Variants in SMOC1 observed in about 807,000 individuals in gnomAD.
SMOC1 encodes the protein SPARC-related modular calcium-binding protein 1.
In SMOC1, 22 loss-of-function variants were observed where a neutral mutation model predicts 56.3. The observed-to-expected ratio is 0.39, with a 90% CI of 0.28 to 0.56. The LOEUF (loss-of-function observed/expected upper bound fraction) is 0.56, where lower values mean the gene tolerates loss of function less well. SMOC1 is among the 20% of genes least tolerant of loss of function. SMOC1 has a pLI of 0.61. For missense variants in SMOC1, 509 were observed against 565.4 expected (o/e 0.90, Z 1.01); for synonymous variants, 193 against 215.0 (o/e 0.90, Z 0.89).
intron 1 of SMOC1, among the ~76,000 whole-genome samples, chr14:69,937,842 A>C (rs1882378950): frequency 6.6e-6 from 1 of 152,168 alleles, no homozygotes; most frequent in Admixed American, 6.5e-5. Flanking sequence ...GTACAGCAGG[A>C]TCTCAAATGA....
At chr14:69,994,649 AT>A (rs1437459231) in intron 7 of SMOC1, among the ~76,000 whole-genome samples, 169 bp downstream of exon 7, 1 of 152,148 alleles carries the variant, frequency 6.6e-6, no homozygotes, top group East Asian at 1.9e-4. Flanking sequence ...TCCAACTTTA[AT>A]TTTCTTCAAT....
chr14:69,966,092 A>G (rs1227846582), intron 3 of SMOC1, among the ~76,000 whole-genome samples: 1 of 152,216 alleles, frequency 6.6e-6, no homozygotes, highest in Non-Finnish European at 1.5e-5. Context: ...TGTCTTCCCC[A>G]CCAGCCAGCG....
At chr14:69,918,183 A>T (rs748841228) in intron 1 of SMOC1, among the ~76,000 whole-genome samples, 3 of 151,996 alleles carry the variant, frequency 2.0e-5, no homozygotes, top group Admixed American at 6.6e-5. Flanking sequence ...AATTAACTAG[A>T]GTTGCTGTGC....
Position 70,011,594 on chromosome 14 carries a change from G to A in SMOC1, c.940+27G>A, listed in dbSNP as rs227409. On this transcript the variant is annotated intron_variant, in intron 9 of 11. Coordinates refer to ENST00000361956, the MANE Select transcript of SMOC1 (RefSeq NM_001034852.3). ...TGGGAGACGATGCTGCCCTGCCGGC[G>A]CCATCACCTCCTTCTGTTCCTCCAC... The A allele has an allele frequency of 6.0e-4, 963 of 1,597,706 alleles. 3 individuals are homozygous for A. In the African/African-American group the frequency reaches 0.011, roughly 19 times the overall value.
At chr14:70,000,287 C>A (rs1003959372) in intron 7 of SMOC1, among the ~76,000 whole-genome samples, 1 of 152,318 alleles carries the variant, frequency 6.6e-6, no homozygotes, top group South Asian at 2.1e-4. Flanking sequence ...CCACCTTTGT[C>A]TGTGCCTTCT....
At chr14:69,956,020 T>C (rs1464915903) in intron 3 of SMOC1, among the ~76,000 whole-genome samples, 1 of 152,194 alleles carries the variant, frequency 6.6e-6, no homozygotes, top group Admixed American at 6.5e-5. Flanking sequence ...GTTGGCTACC[T>C]CGTGACAGAC....
chr14:69,949,840 C>T (rs772124863), intron 1 of SMOC1, among the ~76,000 whole-genome samples: 2 of 152,064 alleles, frequency 1.3e-5, no homozygotes, highest in African/African-American at 2.4e-5. Flanking sequence ...TAAGGGTCCC[C>T]GAGCTCATGG....
intron 5 of SMOC1, among the ~76,000 whole-genome samples, chr14:69,990,164 G>A (rs1884510440): frequency 6.6e-6 from 1 of 152,188 alleles, no homozygotes; most frequent in Non-Finnish European, 1.5e-5. Context: ...AAAGGGCAAA[G>A]CTTCCCCAAA....
intron 2 of SMOC1, among the ~76,000 whole-genome samples, 185 bp downstream of exon 2, chr14:69,952,488 C>G (rs1883039601): frequency 6.6e-6 from 1 of 152,250 alleles, no homozygotes; most frequent in South Asian, 2.1e-4. Context: ...GAGCATTTTT[C>G]TATCTTTCAA....
intron 3 of SMOC1, among the ~76,000 whole-genome samples, chr14:69,956,718 C>T (rs1405329155): frequency 6.6e-6 from 1 of 152,004 alleles, no homozygotes; most frequent in Non-Finnish European, 1.5e-5. Flanking sequence ...TCTGTTCTTT[C>T]CCTTTGTTTT....
At chr14:70,028,715 G>C (rs1248133287) in intron 11 of SMOC1, among the ~76,000 whole-genome samples, 1 of 152,200 alleles carries the variant, frequency 6.6e-6, no homozygotes, top group Non-Finnish European at 1.5e-5. Context: ...GTGGAGGAAA[G>C]GTGGGATTTG....
chr14:70,008,081 C>A (rs1323978338), intron 7 of SMOC1, among the ~76,000 whole-genome samples: 1 of 151,656 alleles, frequency 6.6e-6, no homozygotes, highest in Non-Finnish European at 1.5e-5. Flanking sequence ...TTTTGCTATC[C>A]CCCATTTTTC....
chr14:70,011,434 A>T (rs1288434533), intron 8 of SMOC1, 51 bp from the exon 9 acceptor site: 1 of 1,521,890 alleles, frequency 6.6e-7, no homozygotes, highest in Admixed American at 1.7e-5. Flanking sequence ...TGACTGAAGT[A>T]GGCTCAGTTG....
rs181122998 is a variant in SMOC1, at chr14:69,993,003, T to G, written c.583+530T>G. 5.9e-5 allele frequency among the ~76,000 whole-genome samples: 9 copies of G among 152,232 alleles called. No individual in the cohort carries two copies. In the East Asian group the frequency reaches 1.7e-3, roughly 29 times the overall value. Reference sequence around the variant, plus strand: ...ATGGAAGAAAGAGATCACCATGGTCTGGGAAAAGCTTTTGTGAAGAGCCAG... The same window carrying G: ...ATGGAAGAAAGAGATCACCATGGTCGGGGAAAAGCTTTTGTGAAGAGCCAG... On this transcript the variant is annotated intron_variant, in intron 6 of 11. Coordinates refer to ENST00000361956, the MANE Select transcript of SMOC1 (RefSeq NM_001034852.3).
At chr14:69,959,718 A>G (rs902432206) in intron 3 of SMOC1, among the ~76,000 whole-genome samples, 3 of 152,104 alleles carry the variant, frequency 2.0e-5, no homozygotes, top group African/African-American at 7.2e-5. Flanking sequence ...ATCTATATGC[A>G]TGGATCTCTT....
At chr14:69,924,417 T>C (rs1156346226) in intron 1 of SMOC1, among the ~76,000 whole-genome samples, 1 of 152,058 alleles carries the variant, frequency 6.6e-6, no homozygotes, top group African/African-American at 2.4e-5. Flanking sequence ...TTCCCATTCC[T>C]TTTGTGATCC....
At chr14:70,001,919 A>G (rs1290679572) in intron 7 of SMOC1, among the ~76,000 whole-genome samples, 1 of 152,218 alleles carries the variant, frequency 6.6e-6, no homozygotes, top group Non-Finnish European at 1.5e-5. Context: ...TATTGCCTCT[A>G]TTCCAACTGT....
chr14:69,997,292 T>C (rs1035543431), intron 7 of SMOC1, among the ~76,000 whole-genome samples: 7 of 152,222 alleles, frequency 4.6e-5, no homozygotes, highest in African/African-American at 1.7e-4. Context: ...CAAGCTTTAA[T>C]GTCCGGTTCT....
intron 1 of SMOC1, among the ~76,000 whole-genome samples, chr14:69,919,562 G>A (rs1884776301): frequency 1.3e-5 from 2 of 152,250 alleles, no homozygotes; most frequent in Admixed American, 6.5e-5. Context: ...TGGACCTGCA[G>A]AAGAAATGGA....
Sources: gnomAD v4.1 joint callset for allele counts (sites outside exome capture counted in the v4.1 genomes callset) on GRCh38, gnomAD v4.1.1 for gene constraint, MANE v1.5 for transcripts, NCBI Gene and HGNC (gene_info 2026-07-23, HGNC 2026-07-21) for gene names.